The following PTBP3 variants were observed in gnomAD, a reference collection of about 807,000 sequenced individuals.
The protein encoded by PTBP3 is polypyrimidine tract-binding protein 3.
A neutral mutation model predicts 58.7 loss-of-function variants in PTBP3; 20 were observed. That is an observed-to-expected ratio of 0.34 (90% CI 0.24 to 0.50). The LOEUF is 0.50. PTBP3 is among the 20% of genes least tolerant of loss of function. PTBP3 has a pLI of 0.98. For missense variants in PTBP3, 509 were observed against 637.2 expected, an observed-to-expected ratio of 0.80 and a Z score of 2.17; for synonymous variants, 185 against 219.8, an observed-to-expected ratio of 0.84 and a Z score of 1.40.
rs1589871831 is a variant in PTBP3 at position 112,289,463 on chromosome 9, A to T, written c.34+8369T>A. ...TTGCAAACCAAACAAGCACATTAAC[A>T]GTTTATAAGTATTTTGGTCAACAGA... On this transcript the variant is annotated intron_variant, in intron 2 of 13. Coordinates refer to ENST00000374257, the MANE Select transcript of PTBP3 (RefSeq NM_001163788.4). 2.0e-5 allele frequency among the ~76,000 whole-genome samples: 3 copies of T among 152,142 alleles called. No individual in the cohort carries two copies. The South Asian group carries it at 6.2e-4, about 31-fold the overall frequency.
At chr9:112,309,359 T>C (rs1400298904) in intron 1 of PTBP3, among the ~76,000 whole-genome samples, 9 of 152,346 alleles carry the variant, frequency 5.9e-5, no homozygotes, top group Non-Finnish European at 1.0e-4. Flanking sequence ...AAAGTGATAT[T>C]GATATGGAGT....
At chr9:112,252,111 TAA>T (rs754439969) in intron 6 of PTBP3, 2 of 146,120 alleles carry the variant, frequency 1.4e-5, no homozygotes, top group Non-Finnish European at 1.5e-5. Context: ...TTTCGTGTAC[TAA>T]AAAAAAAAAG....
intron 3 of PTBP3, among the ~76,000 whole-genome samples, chr9:112,270,572 A>C (rs1262617626): frequency 6.6e-6 from 1 of 152,236 alleles, no homozygotes; most frequent in Non-Finnish European, 1.5e-5. Context: ...CATTCCTTAA[A>C]AAGGCATCTG....
chr9:112,373,833 T>G, the PTBP3 span, among the ~76,000 whole-genome samples: 1 of 152,254 alleles, frequency 6.6e-6, no homozygotes, highest in Admixed American at 6.5e-5. Context: ...ACAAACATGT[T>G]TTTAACAAAA....
At chr9:112,246,772 G>A (rs887223250) in intron 7 of PTBP3, among the ~76,000 whole-genome samples, 2 of 151,714 alleles carry the variant, frequency 1.3e-5, no homozygotes, top group East Asian at 3.9e-4. Flanking sequence ...CAGTAAATTC[G>A]TTACAAAGGG....
At chr9:112,364,019 G>A in the PTBP3 span, among the ~76,000 whole-genome samples, 938 of 151,822 alleles carry the variant, frequency 6.2e-3, 7 homozygotes, top group African/African-American at 0.02. Context: ...ACTAACTACC[G>A]GCAAACACTG....
chr9:112,303,176 G>A (rs902657824), intron 1 of PTBP3, among the ~76,000 whole-genome samples: 1 of 152,016 alleles, frequency 6.6e-6, no homozygotes, highest in Non-Finnish European at 1.5e-5. Flanking sequence ...TACTTATTCT[G>A]CATCTTTTTA....
chr9:112,296,067 G>A (rs1045148402), intron 2 of PTBP3, among the ~76,000 whole-genome samples: 6 of 152,156 alleles, frequency 3.9e-5, no homozygotes, highest in East Asian at 1.9e-4. Flanking sequence ...TAATGTTAGC[G>A]TATTTTATGT....
chr9:112,288,766 A>T (rs2132269790), intron 2 of PTBP3, among the ~76,000 whole-genome samples: 1 of 152,360 alleles, frequency 6.6e-6, no homozygotes, highest in South Asian at 2.1e-4. Flanking sequence ...AAACTTACTA[A>T]TTCTTAGAGC....
intron 3 of PTBP3, among the ~76,000 whole-genome samples, chr9:112,270,533 G>A (rs1203015406): frequency 1.3e-5 from 2 of 151,338 alleles, no homozygotes; most frequent in Non-Finnish European, 2.9e-5. Context: ...ATTTTTTAAA[G>A]GTTTCCCAAG....
At chr9:112,251,637 A>T (rs1343188824) in intron 6 of PTBP3, among the ~76,000 whole-genome samples, 1 of 152,174 alleles carries the variant, frequency 6.6e-6, no homozygotes, top group African/African-American at 2.4e-5. Context: ...TTTGAATAAT[A>T]AACTGAGGAA....
the PTBP3 span, among the ~76,000 whole-genome samples, chr9:112,339,286 G>C: frequency 2.4e-5 from 1 of 42,506 alleles, no homozygotes; most frequent in Non-Finnish European, 3.8e-5. Context: ...GCAAGACTCT[G>C]TCTCAAAAAA....
intron 2 of PTBP3, among the ~76,000 whole-genome samples, chr9:112,294,381 G>T (rs947911773): frequency 6.6e-6 from 1 of 152,092 alleles, no homozygotes; most frequent in Non-Finnish European, 1.5e-5. Context: ...AGCTGGGTGT[G>T]GTGGCACATG....
Position 112,221,683 on chromosome 9 carries a change from A to G in PTBP3, c.*2168T>C. On this transcript the variant is annotated 3_prime_UTR_variant, in exon 14 of 14. Transcript: ENST00000374257. The stretch of plus-strand genomic sequence containing the variant: ...AACTCCCACAACTACATACATGAGT[A>G]TATCTATCTATTCAGCCAAACTGAT... The G allele has an allele frequency of 1.0e-6, 1 of 985,274 alleles. No individual in the cohort carries two copies. The highest frequency in any genetic ancestry group is 1.2e-6 in the Non-Finnish European group (1 of 829,774). The allele number at this position is 985,274 out of a possible 1,614,324, so 61.0% of individuals were successfully genotyped here. A position where few individuals can be genotyped will look rare whatever the true frequency, so the allele number is the denominator to read the frequency against.
chr9:112,368,893 G>C, the PTBP3 span, among the ~76,000 whole-genome samples: 1 of 152,246 alleles, frequency 6.6e-6, no homozygotes, highest in Non-Finnish European at 1.5e-5. Context: ...TCATGGGCCA[G>C]GGCCAGGGCC....
At chr9:112,356,345 G>A in the PTBP3 span, among the ~76,000 whole-genome samples, 11 of 152,070 alleles carry the variant, frequency 7.2e-5, no homozygotes, top group Non-Finnish European at 1.5e-4. Context: ...CTCATAAGCC[G>A]TAATTTGGTC....
At chr9:112,314,626 G>C (rs368938055) in intron 1 of PTBP3, among the ~76,000 whole-genome samples, 1 of 152,096 alleles carries the variant, frequency 6.6e-6, no homozygotes, top group East Asian at 1.9e-4. Flanking sequence ...GCCTAGAAGA[G>C]AGCCTGGGCT....
intron 1 of PTBP3, among the ~76,000 whole-genome samples, chr9:112,328,507 G>A (rs901584181): frequency 6.6e-6 from 1 of 152,214 alleles, no homozygotes; most frequent in Non-Finnish European, 1.5e-5. Context: ...TATGGTTCCT[G>A]CATCTAACAT....
chr9:112,345,982 A>G, the PTBP3 span, among the ~76,000 whole-genome samples: 1 of 151,648 alleles, frequency 6.6e-6, no homozygotes, highest in South Asian at 2.1e-4. Context: ...CAGCCTCCCA[A>G]GTAGCTGGGA....
Sources: allele counts gnomAD v4.1 joint callset (sites outside exome capture counted in the v4.1 genomes callset), GRCh38; gene constraint gnomAD v4.1.1; transcripts MANE v1.5; gene names NCBI Gene and HGNC (gene_info 2026-07-23, HGNC 2026-07-21).